LRRTM4: variants seen among roughly 807,000 people sequenced by gnomAD.
The protein encoded by LRRTM4 is leucine-rich repeat transmembrane neuronal protein 4.
LRRTM4 carries 25 observed loss-of-function variants against 47.6 expected under a neutral mutation model. The observed-to-expected ratio is 0.53, with a 90% confidence interval of 0.38 to 0.73. The LOEUF is 0.73. Among genes scored for constraint, LRRTM4 ranks in the 30% least tolerant of loss-of-function variants. LRRTM4 has a pLI of 0.00. For missense variants in LRRTM4, 638 were observed against 713.4 expected, an observed-to-expected ratio of 0.89 and a Z score of 1.20; for synonymous variants, 311 against 269.5, an observed-to-expected ratio of 1.15 and a Z score of -1.51.
intron 3 of LRRTM4, among the ~76,000 whole-genome samples, chr2:77,472,894 T>C (rs1361968147): frequency 6.6e-6 from 1 of 152,166 alleles, no homozygotes; most frequent in Non-Finnish European, 1.5e-5. Flanking sequence ...ATATCAGGTA[T>C]ATATAATTCT....
intron 3 of LRRTM4, among the ~76,000 whole-genome samples, chr2:77,354,673 G>C (rs1289140834): frequency 6.6e-6 from 1 of 152,108 alleles, no homozygotes; most frequent in Admixed American, 6.5e-5. Flanking sequence ...CAGGTATGAT[G>C]GGGGTCTCTA....
intron 3 of LRRTM4, among the ~76,000 whole-genome samples, chr2:77,397,644 T>A (rs1163571880): frequency 6.6e-6 from 1 of 151,864 alleles, no homozygotes; most frequent in African/African-American, 2.4e-5. Context: ...CTCCTCTGTC[T>A]CTAGATTACT....
chr2:77,474,789 G>C (rs998931404), intron 3 of LRRTM4, among the ~76,000 whole-genome samples: 2 of 151,998 alleles, frequency 1.3e-5, no homozygotes, highest in African/African-American at 4.8e-5. Context: ...GTTGGATGTG[G>C]GATCAGTGAT....
At chr2:77,426,278 A>G (rs1675100763) in intron 3 of LRRTM4, among the ~76,000 whole-genome samples, 1 of 152,176 alleles carries the variant, frequency 6.6e-6, no homozygotes, top group Admixed American at 6.5e-5. Flanking sequence ...GCTGTGATTT[A>G]ACCTTTTCCC....
At chr2:77,192,859 A>G (rs766317761) in intron 3 of LRRTM4, among the ~76,000 whole-genome samples, 3 of 152,196 alleles carry the variant, frequency 2.0e-5, no homozygotes, top group Non-Finnish European at 4.4e-5. Context: ...GAATATCACT[A>G]TTAGCACAGT....
In LRRTM4 at chr2:77,177,645, T is replaced by C. The variant is rs570717464; in HGVS notation, c.1551+340673A>G. Among the ~76,000 whole-genome samples the C allele has an allele frequency of 1.2e-4, 19 of 152,334 alleles. No homozygotes were observed. The South Asian group carries it at 3.1e-3, about 25-fold the overall frequency. ...AAAACTGCCAAGTCAGAATGCTTTCTTATGATCTCCACTGACTAAATAATT... is the reference window on the plus strand; with the variant it reads ...AAAACTGCCAAGTCAGAATGCTTTCCTATGATCTCCACTGACTAAATAATT... On this transcript the variant is annotated intron_variant, in intron 3 of 3. Coordinates refer to ENST00000409884, the MANE Select transcript of LRRTM4 (RefSeq NM_001134745.3).
intron 3 of LRRTM4, among the ~76,000 whole-genome samples, chr2:76,795,111 G>A (rs1023724943): frequency 1.1e-4 from 17 of 151,766 alleles, no homozygotes; most frequent in Admixed American, 2.0e-4. Flanking sequence ...GCTCAATACC[G>A]AGAGATTTAC....
chr2:77,342,199 T>C (rs190649191), intron 3 of LRRTM4, among the ~76,000 whole-genome samples: 308 of 152,036 alleles, frequency 2.0e-3, no homozygotes, highest in African/African-American at 7.1e-3. Context: ...TCATGAATGA[T>C]TGATGTACGT....
chr2:77,142,735 A>C (rs1438154090), intron 3 of LRRTM4, among the ~76,000 whole-genome samples: 1 of 152,178 alleles, frequency 6.6e-6, no homozygotes, highest in South Asian at 2.1e-4. Flanking sequence ...CTGTATGTCT[A>C]CAATACTAAC....
At chr2:77,020,254 C>T (rs1678218958) in intron 3 of LRRTM4, among the ~76,000 whole-genome samples, 1 of 152,080 alleles carries the variant, frequency 6.6e-6, no homozygotes, top group South Asian at 2.1e-4. Flanking sequence ...TCTCTAGTGT[C>T]TCCAGCTAGC....
chr2:77,298,339 C>T (rs1573214083), intron 3 of LRRTM4, among the ~76,000 whole-genome samples: 1 of 152,160 alleles, frequency 6.6e-6, no homozygotes, highest in Non-Finnish European at 1.5e-5. Flanking sequence ...CGGGTTCACG[C>T]CATTCTCCTG....
rs1041363842 is a variant in LRRTM4, at chr2:76,798,308, A to G, written c.1552-49392T>C. On this transcript the variant is annotated intron_variant, in intron 3 of 3. Transcript: ENST00000409884. ...AGGATTAAGAATCTCACTCAAAACC[A>G]CTCAACTACATGGAAACTGAACAAC... Among the ~76,000 whole-genome samples, 148 of 152,186 alleles carry G rather than the reference A, an allele frequency of 9.7e-4. No individual in the cohort carries two copies. In the Middle Eastern group the frequency reaches 0.01, roughly 11 times the overall value.
At chr2:77,181,017 T>C (rs890570865) in intron 3 of LRRTM4, among the ~76,000 whole-genome samples, 9 of 152,156 alleles carry the variant, frequency 5.9e-5, no homozygotes, top group African/African-American at 9.6e-5. Context: ...AAAATAAATA[T>C]ACATTATAAA....
intron 3 of LRRTM4, among the ~76,000 whole-genome samples, chr2:77,128,746 TCTC>T (rs1195309764): frequency 6.6e-6 from 1 of 152,112 alleles, no homozygotes; most frequent in Non-Finnish European, 1.5e-5. Context: ...TTCAAGCGAT[TCTC>T]CTCCCTCAGC....
At chr2:77,246,283 C>G (rs1675444037) in intron 3 of LRRTM4, among the ~76,000 whole-genome samples, 1 of 152,092 alleles carries the variant, frequency 6.6e-6, no homozygotes, top group South Asian at 2.1e-4. Flanking sequence ...GGGAATTAGA[C>G]AAAGTACTTC....
intron 3 of LRRTM4, among the ~76,000 whole-genome samples, chr2:77,341,545 A>T (rs1671373117): frequency 6.6e-6 from 1 of 152,062 alleles, no homozygotes; most frequent in African/African-American, 2.4e-5. Flanking sequence ...TTATACATTA[A>T]CTTTTCCCTT....
intron 3 of LRRTM4, among the ~76,000 whole-genome samples, chr2:77,366,421 A>T (rs1335643023): frequency 6.6e-6 from 1 of 151,862 alleles, no homozygotes; most frequent in East Asian, 1.9e-4. Flanking sequence ...CTTATTCCTA[A>T]GTGGCCTCCT....
chr2:76,964,945 A>T (rs1259224274), intron 3 of LRRTM4, among the ~76,000 whole-genome samples: 1 of 150,918 alleles, frequency 6.6e-6, no homozygotes, highest in Non-Finnish European at 1.5e-5. Context: ...TAATTTAGGT[A>T]AAATTAATAC....
chr2:76,850,837 TGA>T (rs1285704459), intron 3 of LRRTM4, among the ~76,000 whole-genome samples: 1 of 152,168 alleles, frequency 6.6e-6, no homozygotes, highest in East Asian at 1.9e-4. Flanking sequence ...TCCTTAAAAA[TGA>T]GAGGGAAAAT....
Sources: allele counts gnomAD v4.1 joint callset (sites outside exome capture counted in the v4.1 genomes callset), GRCh38; gene constraint gnomAD v4.1.1; transcripts MANE v1.5; gene names NCBI Gene and HGNC (gene_info 2026-07-23, HGNC 2026-07-21).